The following SMYD3 variants were observed in gnomAD, a reference collection of about 807,000 sequenced individuals.
SMYD3 encodes histone-lysine N-methyltransferase SMYD3.
In SMYD3, 36 loss-of-function variants were observed where a neutral mutation model predicts 57.7. The ratio of observed to expected loss-of-function variants is 0.62; its 90% CI spans 0.48 to 0.82. The LOEUF (loss-of-function observed/expected upper bound fraction) is 0.82. SMYD3 is among the 40% of genes least tolerant of loss of function. The probability of loss-of-function intolerance (pLI) is 0.00; values close to 1 mark genes in which losing one functional copy is unlikely to be tolerated. For missense variants in SMYD3, 515 were observed against 538.8 expected, an observed-to-expected ratio of 0.96 and a Z score of 0.44; for synonymous variants, 211 against 195.0, an observed-to-expected ratio of 1.08 and a Z score of -0.68.
intron 1 of SMYD3, among the ~76,000 whole-genome samples, chr1:246,397,458 G>A (rs1170000518): frequency 1.3e-5 from 2 of 152,098 alleles, no homozygotes; most frequent in African/African-American, 4.8e-5. Flanking sequence ...GCTCTCGGTT[G>A]AAAAACCATC....
intron 5 of SMYD3, among the ~76,000 whole-genome samples, chr1:245,974,404 C>T (rs967045675): frequency 1.3e-5 from 2 of 152,174 alleles, no homozygotes; most frequent in Non-Finnish European, 1.5e-5. Context: ...ATTCTGACCC[C>T]AGAATGTATC....
chr1:245,952,123 CAG>C (rs10559025), intron 5 of SMYD3, among the ~76,000 whole-genome samples: 26,335 of 151,936 alleles, frequency 0.17, 2,958 homozygotes, highest in East Asian at 0.45. Flanking sequence ...GAAAATAAAA[CAG>C]AAATACCTGT....
At position 245,866,085 on chromosome 1, in the gene SMYD3, C is replaced by T. The variant is rs1049149707; in HGVS notation, c.814-2199G>A. Among the ~76,000 whole-genome samples the T allele has an allele frequency of 3.9e-5, 6 of 152,274 alleles. No individual in the cohort carries two copies. The South Asian group carries it at 8.3e-4, about 21-fold the overall frequency. ...TGCCCGTTGAAGGAGGTTTATAGAA[C>T]GACCCCATGAGAACCACTGCCAGAG... On this transcript the variant is annotated intron_variant, in intron 8 of 11. Coordinates refer to ENST00000490107, the MANE Select transcript of SMYD3 (RefSeq NM_001167740.2).
intron 5 of SMYD3, among the ~76,000 whole-genome samples, chr1:246,185,349 G>A (rs2062616060): frequency 6.6e-6 from 1 of 151,472 alleles, no homozygotes; most frequent in South Asian, 2.1e-4. Flanking sequence ...CGATTCTCCT[G>A]CCTCATTCTC....
intron 1 of SMYD3, among the ~76,000 whole-genome samples, chr1:246,502,785 T>C (rs528661759): frequency 2.0e-5 from 3 of 152,304 alleles, no homozygotes; most frequent in African/African-American, 7.2e-5. Flanking sequence ...TCTCATCTTT[T>C]AGGATGTCAT....
At chr1:246,194,502 CGT>C (rs2062799516) in intron 5 of SMYD3, among the ~76,000 whole-genome samples, 1 of 152,116 alleles carries the variant, frequency 6.6e-6, no homozygotes, top group Admixed American at 6.5e-5. Context: ...CTCCCGACCT[CGT>C]GTTCCGCCTG....
At chr1:246,495,348 CAAAAAAAAAAAAAA>C (rs11329443) in intron 1 of SMYD3, among the ~76,000 whole-genome samples, 1 of 57,880 alleles carries the variant, frequency 1.7e-5, no homozygotes, top group Non-Finnish European at 2.9e-5. Context: ...GACTCCGTCT[CAAAAAAAAAAAAAA>C]AAAAAAAAAA....
intron 1 of SMYD3, among the ~76,000 whole-genome samples, chr1:246,436,902 T>TC (rs1553348288): frequency 1.6e-5 from 2 of 125,914 alleles, no homozygotes; most frequent in Non-Finnish European, 3.3e-5. Flanking sequence ...GTTTCTTTCT[T>TC]TTTTTTTTTT....
At chr1:246,504,627 A>C (rs545522394) in intron 1 of SMYD3, among the ~76,000 whole-genome samples, 1 of 152,218 alleles carries the variant, frequency 6.6e-6, no homozygotes, top group African/African-American at 2.4e-5. Context: ...TTCCTTTCCC[A>C]TGTAACTGTT....
chr1:246,288,063 T>G (rs1961943), intron 5 of SMYD3, among the ~76,000 whole-genome samples: 3 of 20,486 alleles, frequency 1.5e-4, no homozygotes. Context: ...CAGGTAATTC[T>G]TTTTTTTTTT....
intron 5 of SMYD3, among the ~76,000 whole-genome samples, chr1:246,124,065 C>T (rs2061467728): frequency 6.6e-6 from 1 of 152,198 alleles, no homozygotes; most frequent in African/African-American, 2.4e-5. Context: ...TACCTCACTG[C>T]CAATGCTTAA....
chr1:246,403,817 T>C (rs2066814657), intron 1 of SMYD3, among the ~76,000 whole-genome samples: 1 of 152,216 alleles, frequency 6.6e-6, no homozygotes, highest in Non-Finnish European at 1.5e-5. Context: ...TCAGCAATGA[T>C]ACCATTTATA....
intron 1 of SMYD3, among the ~76,000 whole-genome samples, chr1:246,379,722 G>A (rs61841321): frequency 0.18 from 27,871 of 152,134 alleles, 2,735 homozygotes; most frequent in Middle Eastern, 0.26. Flanking sequence ...TGAAAAGGCC[G>A]GGTATGGTGG....
intron 8 of SMYD3, among the ~76,000 whole-genome samples, chr1:245,896,696 G>A (rs2053826956): frequency 6.6e-6 from 1 of 152,172 alleles, no homozygotes; most frequent in South Asian, 2.1e-4. Flanking sequence ...GGAAGCTGTG[G>A]GCCTGAAGGG....
chr1:246,048,601 C>T lies in SMYD3; in HGVS notation c.532-118664G>A, dbSNP rs998734043. Among the ~76,000 whole-genome samples the T allele has an allele frequency of 2.0e-5, 3 of 152,036 alleles. 1 individual carries two copies. The South Asian group carries it at 6.2e-4, about 32-fold the overall frequency. ...GTAATATAGTATACAGTAGTAAGGG[C>T]TCTAGAGGATGGAAGCCCGACAGCC... On this transcript the variant is annotated intron_variant, in intron 5 of 11. Coordinates refer to ENST00000490107, the MANE Select transcript of SMYD3 (RefSeq NM_001167740.2).
At chr1:245,772,376 G>A (rs2046372552) in intron 10 of SMYD3, among the ~76,000 whole-genome samples, 2 of 152,188 alleles carry the variant, frequency 1.3e-5, no homozygotes, top group African/African-American at 2.4e-5. Flanking sequence ...TAGGCCAGGC[G>A]CCATGGCTCA....
At chr1:245,792,628 A>G (rs1384763628) in intron 10 of SMYD3, among the ~76,000 whole-genome samples, 1 of 152,230 alleles carries the variant, frequency 6.6e-6, no homozygotes, top group Admixed American at 6.5e-5. Context: ...ATAATGGGGA[A>G]CATAGTCCAT....
chr1:246,490,977 C>T (rs894369088), intron 1 of SMYD3, among the ~76,000 whole-genome samples: 5 of 151,888 alleles, frequency 3.3e-5, no homozygotes, highest in Admixed American at 3.3e-4. Flanking sequence ...AATACTTCCA[C>T]ATGTTTTATC....
intron 10 of SMYD3, among the ~76,000 whole-genome samples, chr1:245,848,300 T>C (rs537380275): frequency 2.0e-5 from 3 of 152,148 alleles, no homozygotes; most frequent in Non-Finnish European, 2.9e-5. Flanking sequence ...TGTGTATTTC[T>C]TGGTAGAGAT....
Sources: allele counts gnomAD v4.1 joint callset (sites outside exome capture counted in the v4.1 genomes callset), GRCh38; gene constraint gnomAD v4.1.1; transcripts MANE v1.5; gene names NCBI Gene and HGNC (gene_info 2026-07-23, HGNC 2026-07-21).